Variants in TRMT1L observed in about 807,000 individuals in gnomAD.
The protein encoded by TRMT1L is tRNA (guanine(27)-N(2))-dimethyltransferase.
TRMT1L carries 28 observed loss-of-function variants against 81.6 expected under a neutral mutation model. The ratio of observed to expected loss-of-function variants is 0.34; its 90% confidence interval spans 0.25 to 0.47. TRMT1L has a LOEUF of 0.47. Among genes scored for constraint, TRMT1L ranks in the 20% least tolerant of loss-of-function variants. The pLI is 1.00. For missense variants in TRMT1L, 739 were observed against 877.1 expected, an observed-to-expected ratio of 0.84 and a Z score of 1.99; for synonymous variants, 301 against 303.2, an observed-to-expected ratio of 0.99 and a Z score of 0.07.
chr1:185,156,379 G>T (rs1653565177), intron 1 of TRMT1L, 99 bp downstream of exon 1: 1 of 1,611,522 alleles, frequency 6.2e-7, no homozygotes, highest in Non-Finnish European at 8.5e-7. Flanking sequence ...AACCTGCCTT[G>T]CCCCATAAAA....
intron 1 of TRMT1L, among the ~76,000 whole-genome samples, chr1:185,156,102 T>A (rs978313316): frequency 6.6e-6 from 1 of 152,182 alleles, no homozygotes; most frequent in African/African-American, 2.4e-5. Flanking sequence ...GGTTACTATG[T>A]CACATTTGAA....
At chr1:185,132,529 T>TAA (rs1553246244) in intron 10 of TRMT1L, among the ~76,000 whole-genome samples, 11 of 147,432 alleles carry the variant, frequency 7.5e-5, no homozygotes, top group African/African-American at 2.5e-4. Context: ...AAAAAAAAAA[T>TAA]AAATAAAAAT....
intron 10 of TRMT1L, among the ~76,000 whole-genome samples, chr1:185,135,049 A>T (rs983824263): frequency 2.0e-5 from 3 of 152,246 alleles, no homozygotes; most frequent in African/African-American, 7.2e-5. Context: ...AAGGAGCCAA[A>T]GTATATTACT....
rs1653624748 is a variant in TRMT1L at position 185,156,920 on chromosome 1, A to C, written c.-208T>G. The C allele has an allele frequency of 1.5e-6, 1 of 655,862 alleles. No individual in the cohort carries two copies. The highest frequency in any genetic ancestry group is 2.4e-6 in the Non-Finnish European group (1 of 411,358). The allele number at this position is 655,862 out of a possible 1,614,324, so 40.6% of individuals were successfully genotyped here. On this transcript the variant is annotated 5_prime_UTR_variant, in exon 1 of 15. Transcript: ENST00000367506. The stretch of plus-strand genomic sequence containing the variant: ...AGAAAGCCAGAGGCAGCGATTCCAG[A>C]TGCCCGTCCGCTTCCCTTTCCCCGA...
Position 185,156,921 on chromosome 1 carries a change from T to G in TRMT1L, c.-209A>C, listed in dbSNP as rs371491095. 6.2e-6 allele frequency: 4 copies of G among 648,818 alleles called. No homozygotes were observed. The African/African-American group carries it at 7.7e-5, about 13-fold the overall frequency. 40.2% of individuals were successfully genotyped at this position (648,818 alleles called of 1,614,324 possible). A position where few individuals can be genotyped will look rare whatever the true frequency, so the allele number is the denominator to read the frequency against. On this transcript the variant is annotated 5_prime_UTR_variant, in exon 1 of 15. Coordinates refer to ENST00000367506, the MANE Select transcript of TRMT1L (RefSeq NM_030934.5). ...GAAAGCCAGAGGCAGCGATTCCAGA[T>G]GCCCGTCCGCTTCCCTTTCCCCGAG...
Position 185,139,402 on chromosome 1 carries a change from T to A in TRMT1L, c.1287A>T (p.Glu429Asp). 6.2e-7 allele frequency: 1 copy of A among 1,614,030 alleles called. No homozygotes were observed. The highest frequency in any genetic ancestry group is 8.5e-7 in the Non-Finnish European group (1 of 1,179,932). ...CNIVRTEYYKELAARIVVAAV... is the reference protein window; with the variant it reads ...CNIVRTEYYKDLAARIVVAAV... The stretch of plus-strand genomic sequence containing the variant: ...CAGCTACAACAATTCTGGCTGCTAG[T>A]TCCTTGTAATATTCAGTTCGGACAA... The change falls in exon 9 of 15, where the codon GAA (glutamate) becomes GAT (aspartate). Residue 429 changes from glutamate (E) to aspartate (D), a missense_variant. Around this residue, in one of 4 missense-constraint regions of TRMT1L, gnomAD observed 331 missense variants for 462.2 expected, o/e 0.72. Transcript: ENST00000367506.
chr1:185,147,154 A>T, intron 4 of TRMT1L, 28 bp downstream of exon 4: 1 of 1,536,930 alleles, frequency 6.5e-7, no homozygotes, highest in Non-Finnish European at 8.9e-7. Context: ...ACTAAATTTA[A>T]AAATAAAAAA....
intron 10 of TRMT1L, among the ~76,000 whole-genome samples, chr1:185,135,425 A>C (rs1210852091): frequency 6.6e-6 from 1 of 151,812 alleles, no homozygotes; most frequent in East Asian, 1.9e-4. Context: ...CAAAAAAAAA[A>C]AAAAAGAAAG....
At chr1:185,125,964 T>C (rs1288353032) in intron 11 of TRMT1L, among the ~76,000 whole-genome samples, 1 of 152,144 alleles carries the variant, frequency 6.6e-6, no homozygotes, top group Non-Finnish European at 1.5e-5. Flanking sequence ...GGTGATGGTA[T>C]GGTTCAGAAA....
intron 13 of TRMT1L, among the ~76,000 whole-genome samples, chr1:185,123,382 T>A (rs1004545037): frequency 6.6e-6 from 1 of 152,154 alleles, no homozygotes; most frequent in Admixed American, 6.6e-5. Context: ...TAATATGAAT[T>A]TAGTGTCTAC....
rs1241848486 is a variant in TRMT1L, at chr1:185,137,805, A to C, written c.1323-9T>G. The C allele has an allele frequency of 2.5e-6, 4 of 1,609,156 alleles. No homozygotes were observed. The highest frequency in any genetic ancestry group is 1.7e-6 in the Non-Finnish European group (2 of 1,178,320). On this transcript the variant is annotated splice_polypyrimidine_tract_variant and intron_variant, in intron 9 of 14. Transcript: ENST00000367506. The stretch of plus-strand genomic sequence containing the variant: ...TGCATCGGGCTGCAGCTCTACAATA[A>C]ATTTTTTCAAGTTATTTTGTGGGCT...
chr1:185,152,429 G>C (rs991894264), intron 1 of TRMT1L, among the ~76,000 whole-genome samples: 2 of 152,220 alleles, frequency 1.3e-5, no homozygotes, highest in Admixed American at 1.3e-4. Context: ...GGTATGTTTG[G>C]GGGGATGGAG....
chr1:185,156,755 G>C lies in TRMT1L; in HGVS notation c.-43C>G, dbSNP rs184462697. The C allele has an allele frequency of 9.7e-3, 15,633 of 1,609,422 alleles. 125 individuals are homozygous for C. Among genetic ancestry groups the C allele is most frequent in the South Asian group, 0.016 (1,405 of 90,618 alleles). On this transcript the variant is annotated 5_prime_UTR_variant, in exon 1 of 15. Transcript: ENST00000367506. ...CAAGCCCGCCCGGGGACCCGGAGCG[G>C]GGCTCACGGCGGGGTCAGAGAACTG... is the stretch of plus-strand genomic sequence containing the variant.
At position 185,118,984 on chromosome 1, in the gene TRMT1L, C is replaced by G. The variant is rs1429216643; in HGVS notation, c.*1035G>C. ...TTGAGACAAAAACCCAAACTTTATA[C>G]CAAATCCTTTCATCCAAAATCTTAT... On this transcript the variant is annotated 3_prime_UTR_variant, in exon 15 of 15. Coordinates refer to ENST00000367506, the MANE Select transcript of TRMT1L (RefSeq NM_030934.5). 4 of 151,248 alleles carry G rather than the reference C, an allele frequency of 2.6e-5. No homozygotes were observed. The highest frequency in any genetic ancestry group is 9.7e-5 in the African/African-American group (4 of 41,112). The allele number at this position is 151,248 out of a possible 1,614,324, so 9.4% of individuals were successfully genotyped here.
chr1:185,146,618 T>A (rs533642718), intron 4 of TRMT1L, among the ~76,000 whole-genome samples: 38 of 152,154 alleles, frequency 2.5e-4, no homozygotes, highest in African/African-American at 8.9e-4. Flanking sequence ...AATGTAATAA[T>A]GGGAACTCAT....
intron 10 of TRMT1L, among the ~76,000 whole-genome samples, chr1:185,129,470 T>C (rs1652716839): frequency 1.3e-5 from 2 of 152,212 alleles, no homozygotes; most frequent in African/African-American, 4.8e-5. Flanking sequence ...GTTTTCAAAA[T>C]GGGCTAATAT....
chr1:185,143,166 G>A (rs946574187), intron 7 of TRMT1L, among the ~76,000 whole-genome samples, 191 bp downstream of exon 7: 1 of 152,024 alleles, frequency 6.6e-6, no homozygotes. Context: ...CATTTTTGAA[G>A]TAAGCGATGG....
chr1:185,151,483 T>C (rs1224775399), intron 2 of TRMT1L, among the ~76,000 whole-genome samples: 1 of 152,214 alleles, frequency 6.6e-6, no homozygotes, highest in Non-Finnish European at 1.5e-5. Context: ...CTAAATTGCC[T>C]ATCTTGGGAC....
chr1:185,128,819 A>C (rs907319285), intron 10 of TRMT1L, 72 bp from the exon 11 acceptor site: 1 of 1,293,650 alleles, frequency 7.7e-7, no homozygotes, highest in East Asian at 2.3e-5. Flanking sequence ...TGTTATATTA[A>C]TAATAATGTG....
Sources: gnomAD v4.1 joint callset for allele counts (sites outside exome capture counted in the v4.1 genomes callset) on GRCh38, gnomAD v4.1.1 for gene constraint, gnomAD v4.1.1 regional missense constraint, MANE v1.5 for transcripts, NCBI Gene and HGNC (gene_info 2026-07-23, HGNC 2026-07-21) for gene names.